Variants in KCND2 observed in about 807,000 individuals in gnomAD.
The protein encoded by KCND2 is A-type voltage-gated potassium channel KCND2.
KCND2 carries 16 observed loss-of-function variants against 54.4 expected under a neutral mutation model. The ratio of observed to expected loss-of-function variants is 0.29; its 90% CI spans 0.20 to 0.45. KCND2 has a LOEUF of 0.45. KCND2 is among the 20% of genes least tolerant of loss of function. KCND2 has a pLI of 1.00. For synonymous variants in KCND2, 317 were observed against 310.7 expected, an observed-to-expected ratio of 1.02 and a Z score of -0.21; for missense variants, 486 against 824.2, an observed-to-expected ratio of 0.59 and a Z score of 5.02.
chr7:120,371,014 C>G (rs1800757163), intron 1 of KCND2, among the ~76,000 whole-genome samples: 1 of 152,082 alleles, frequency 6.6e-6, no homozygotes, highest in African/African-American at 2.4e-5. Flanking sequence ...AGTTGCAGCT[C>G]TGCTTCTTAC....
chr7:120,378,758 A>G (rs1800871467), intron 1 of KCND2, among the ~76,000 whole-genome samples: 1 of 152,002 alleles, frequency 6.6e-6, no homozygotes, highest in Non-Finnish European at 1.5e-5. Flanking sequence ...ACATCTCAAA[A>G]ATCTGGCAAG....
intron 1 of KCND2, among the ~76,000 whole-genome samples, chr7:120,375,733 T>TA (rs1800827529): frequency 6.6e-6 from 1 of 151,800 alleles, no homozygotes; most frequent in Non-Finnish European, 1.5e-5. Flanking sequence ...CTCAAGTTTA[T>TA]AAATGAATTA....
intron 1 of KCND2, among the ~76,000 whole-genome samples, chr7:120,480,667 C>T (rs186061646): frequency 6.6e-6 from 1 of 152,302 alleles, no homozygotes; most frequent in Admixed American, 6.5e-5. Context: ...CATGCATGCA[C>T]TTCCACTTCC....
intron 1 of KCND2, among the ~76,000 whole-genome samples, chr7:120,390,172 C>T (rs1277485184): frequency 6.6e-6 from 1 of 151,642 alleles, no homozygotes; most frequent in Non-Finnish European, 1.5e-5. Context: ...AAGACACAAT[C>T]AGAATTTCAA....
intron 1 of KCND2, among the ~76,000 whole-genome samples, chr7:120,356,794 T>C (rs1800512355): frequency 6.6e-6 from 1 of 152,140 alleles, no homozygotes; most frequent in Admixed American, 6.6e-5. Context: ...ATTCTCTCTA[T>C]ATCGTTATTA....
intron 1 of KCND2, among the ~76,000 whole-genome samples, chr7:120,653,002 A>T (rs574039154): frequency 1.0e-3 from 152 of 152,158 alleles, no homozygotes; most frequent in Middle Eastern, 6.8e-3. Flanking sequence ...CCTGAGATGG[A>T]TGGAAGAGCT....
intron 1 of KCND2, among the ~76,000 whole-genome samples, chr7:120,500,651 A>G (rs533452929): frequency 6.6e-6 from 1 of 152,124 alleles, no homozygotes; most frequent in South Asian, 2.1e-4. Context: ...AACAATAACA[A>G]CAGCAAAATT....
chr7:120,479,461 G>A (rs1166389103), intron 1 of KCND2, among the ~76,000 whole-genome samples: 1 of 151,564 alleles, frequency 6.6e-6, no homozygotes, highest in Non-Finnish European at 1.5e-5. Context: ...TATACCAAAT[G>A]TTTATAAAAT....
chr7:120,432,142 G>A (rs1247356110), intron 1 of KCND2, among the ~76,000 whole-genome samples: 1 of 151,874 alleles, frequency 6.6e-6, no homozygotes, highest in African/African-American at 2.4e-5. Flanking sequence ...TGAGTATTTG[G>A]TCCCCCATTG....
intron 1 of KCND2, among the ~76,000 whole-genome samples, chr7:120,442,464 T>G (rs1801958290): frequency 6.6e-6 from 1 of 152,028 alleles, no homozygotes; most frequent in African/African-American, 2.4e-5. Flanking sequence ...AGTAGAGACT[T>G]TACAGAATTC....
chr7:120,327,072 G>A (rs952783453), intron 1 of KCND2, among the ~76,000 whole-genome samples: 2 of 151,954 alleles, frequency 1.3e-5, no homozygotes, highest in African/African-American at 4.8e-5. Flanking sequence ...TTTCTTACAC[G>A]TTGTAATAAA....
At chr7:120,428,708 G>A (rs1801749127) in intron 1 of KCND2, among the ~76,000 whole-genome samples, 1 of 152,148 alleles carries the variant, frequency 6.6e-6, no homozygotes, top group Non-Finnish European at 1.5e-5. Context: ...GGCAAGACCA[G>A]CACAGTGCAT....
At chr7:120,363,855 G>A (rs1249425899) in intron 1 of KCND2, among the ~76,000 whole-genome samples, 1 of 152,022 alleles carries the variant, frequency 6.6e-6, no homozygotes, top group East Asian at 1.9e-4. Context: ...AGCTGTTTCT[G>A]TTGCTCACTC....
intron 1 of KCND2, among the ~76,000 whole-genome samples, chr7:120,321,383 C>T (rs927788228): frequency 1.3e-5 from 2 of 152,060 alleles, no homozygotes; most frequent in Admixed American, 6.6e-5. Flanking sequence ...ATCCTCCTGC[C>T]TCAGCCTCCC....
chr7:120,707,333 G>A (rs1293501244), intron 1 of KCND2, among the ~76,000 whole-genome samples: 2 of 152,016 alleles, frequency 1.3e-5, no homozygotes, highest in African/African-American at 2.4e-5. Flanking sequence ...GGTGGTAAGT[G>A]TCAGTCTGGA....
intron 1 of KCND2, among the ~76,000 whole-genome samples, chr7:120,293,296 A>G (rs568553194): frequency 3.3e-5 from 5 of 152,092 alleles, no homozygotes; most frequent in Non-Finnish European, 5.9e-5. Flanking sequence ...AGGAAACTTC[A>G]TGAGTGGAAG....
chr7:120,397,006 A>G (rs542700577), intron 1 of KCND2, among the ~76,000 whole-genome samples: 1 of 152,150 alleles, frequency 6.6e-6, no homozygotes, highest in South Asian at 2.1e-4. Flanking sequence ...TAATCTTCCC[A>G]AGTTGTTCCT....
At chr7:120,475,550 G>T (rs999018798) in intron 1 of KCND2, among the ~76,000 whole-genome samples, 3 of 152,182 alleles carry the variant, frequency 2.0e-5, no homozygotes, top group African/African-American at 7.2e-5. Context: ...ATAAAGCAAG[G>T]TTGCTAGTAG....
At chr7:120,430,314 C>T (rs62472313) in intron 1 of KCND2, among the ~76,000 whole-genome samples, 16,081 of 152,034 alleles carry the variant, frequency 0.11, 891 homozygotes, top group Admixed American at 0.13. Flanking sequence ...TACTCTAGAG[C>T]GCAACTATTA....
Sources: gnomAD v4.1 joint callset for allele counts (sites outside exome capture counted in the v4.1 genomes callset) on GRCh38, gnomAD v4.1.1 for gene constraint, MANE v1.5 for transcripts, NCBI Gene and HGNC (gene_info 2026-07-23, HGNC 2026-07-21) for gene names.